FUT9: variants seen among roughly 807,000 people sequenced by gnomAD.
The protein encoded by FUT9 is fucosyltransferase 9.
FUT9 carries 15 observed loss-of-function variants against 29.7 expected under a neutral mutation model. The observed-to-expected ratio is 0.51, with a 90% CI of 0.34 to 0.78. FUT9 has a LOEUF of 0.78. FUT9 is among the 30% of genes least tolerant of loss of function. The probability of loss-of-function intolerance (pLI) is 0.01; values close to 1 mark genes in which losing one functional copy is unlikely to be tolerated. For synonymous variants in FUT9, 169 were observed against 153.7 expected (o/e 1.10, Z -0.74); for missense variants, 319 against 425.4 (o/e 0.75, Z 2.20).
intron 1 of FUT9, among the ~76,000 whole-genome samples, chr6:96,048,886 G>A (rs1770614014): frequency 6.6e-6 from 1 of 152,140 alleles, no homozygotes. Flanking sequence ...GCTATAGTCA[G>A]CTTGTCTGCA....
intron 1 of FUT9, among the ~76,000 whole-genome samples, chr6:96,089,033 A>C (rs1026547077): frequency 6.6e-6 from 1 of 151,964 alleles, no homozygotes; most frequent in African/African-American, 2.4e-5. Context: ...TGATCCCATT[A>C]CTCTTCTACA....
intron 2 of FUT9, among the ~76,000 whole-genome samples, chr6:96,127,690 ATC>A (rs1295329902): frequency 6.6e-6 from 1 of 152,104 alleles, no homozygotes; most frequent in Non-Finnish European, 1.5e-5. Flanking sequence ...CCTTGCCAGC[ATC>A]TGTTATTTTT....
At chr6:96,122,139 C>T (rs1772041323) in intron 2 of FUT9, among the ~76,000 whole-genome samples, 1 of 152,040 alleles carries the variant, frequency 6.6e-6, no homozygotes, top group Admixed American at 6.6e-5. Context: ...TTGCATGAGC[C>T]TTATATGAAA....
At chr6:96,023,064 G>C (rs1028951232) in intron 1 of FUT9, among the ~76,000 whole-genome samples, 7 of 151,918 alleles carry the variant, frequency 4.6e-5, no homozygotes, top group African/African-American at 1.7e-4. Context: ...ACAGTGTGTT[G>C]GTTTCTGCTT....
intron 2 of FUT9, among the ~76,000 whole-genome samples, chr6:96,169,814 A>T (rs1020215994): frequency 6.6e-6 from 1 of 152,094 alleles, no homozygotes; most frequent in Non-Finnish European, 1.5e-5. Context: ...TAAAGAAATA[A>T]TTTTTCTCCT....
intron 2 of FUT9, among the ~76,000 whole-genome samples, chr6:96,197,638 A>G (rs1206614351): frequency 6.6e-6 from 1 of 151,732 alleles, no homozygotes; most frequent in Non-Finnish European, 1.5e-5. Context: ...ACACATACAC[A>G]AAAAAATAGT....
chr6:96,200,493 T>C (rs779519021), intron 2 of FUT9, among the ~76,000 whole-genome samples: 3 of 152,136 alleles, frequency 2.0e-5, no homozygotes, highest in Non-Finnish European at 4.4e-5. Context: ...TTAGGGGTTC[T>C]AGAAGGATTA....
At chr6:96,130,422 T>C (rs1446082013) in intron 2 of FUT9, among the ~76,000 whole-genome samples, 1 of 152,184 alleles carries the variant, frequency 6.6e-6, no homozygotes, top group African/African-American at 2.4e-5. Flanking sequence ...TCATCTTGAA[T>C]GTCTCAGTGA....
chr6:96,036,942 T>C (rs1490684616), intron 1 of FUT9: 1 of 152,008 alleles, frequency 6.6e-6, no homozygotes, highest in Non-Finnish European at 1.5e-5. Context: ...GGGAGATTTC[T>C]AACAAACTCT....
At chr6:96,078,581 C>T (rs1415776081) in intron 1 of FUT9, among the ~76,000 whole-genome samples, 1 of 151,516 alleles carries the variant, frequency 6.6e-6, no homozygotes, top group African/African-American at 2.4e-5. Context: ...CCACTACGCC[C>T]GGCTAATTTT....
chr6:96,119,196 T>G (rs1173367774), intron 2 of FUT9, among the ~76,000 whole-genome samples: 1 of 152,192 alleles, frequency 6.6e-6, no homozygotes, highest in Non-Finnish European at 1.5e-5. Flanking sequence ...ACTCACCCAG[T>G]GCAACTTCCA....
intron 1 of FUT9, among the ~76,000 whole-genome samples, chr6:96,058,484 A>AAAAAAAAAAAAG (rs1770815517): frequency 1.3e-5 from 2 of 151,532 alleles, no homozygotes; most frequent in African/African-American, 2.4e-5. Context: ...AAAAAAAAAA[A>AAAAAAAAAAAAG]AAGCCAGAAA....
At chr6:96,195,136 G>A (rs1773599313) in intron 2 of FUT9, among the ~76,000 whole-genome samples, 1 of 152,172 alleles carries the variant, frequency 6.6e-6, no homozygotes, top group African/African-American at 2.4e-5. Flanking sequence ...AGGAAAAGCG[G>A]TAGTTGGCAG....
intron 2 of FUT9, among the ~76,000 whole-genome samples, chr6:96,125,028 T>C (rs992967094): frequency 1.3e-5 from 2 of 152,196 alleles, no homozygotes; most frequent in Admixed American, 6.5e-5. Context: ...AAGAGACTCC[T>C]ATTTTTACCA....
chr6:96,068,210 C>A (rs1770995643), intron 1 of FUT9, among the ~76,000 whole-genome samples: 1 of 151,710 alleles, frequency 6.6e-6, no homozygotes. Context: ...ATGTACAGGT[C>A]ATATTTGAGG....
At chr6:96,075,174 A>T (rs1771123620) in intron 1 of FUT9, among the ~76,000 whole-genome samples, 1 of 152,086 alleles carries the variant, frequency 6.6e-6, no homozygotes, top group African/African-American at 2.4e-5. Flanking sequence ...CTGCTTTGTC[A>T]GTTACTAGCA....
At chr6:96,081,208 T>A (rs866071436) in intron 1 of FUT9, among the ~76,000 whole-genome samples, 1 of 151,872 alleles carries the variant, frequency 6.6e-6, no homozygotes, top group Non-Finnish European at 1.5e-5. Context: ...TAAAACAATA[T>A]CAATAATTTT....
At chr6:96,157,304 G>A (rs1772803744) in intron 2 of FUT9, among the ~76,000 whole-genome samples, 1 of 152,172 alleles carries the variant, frequency 6.6e-6, no homozygotes, top group Non-Finnish European at 1.5e-5. Context: ...ACATCACAAA[G>A]GAGGACCTTG....
At chr6:96,029,335 A>T (rs982234385) in intron 1 of FUT9, among the ~76,000 whole-genome samples, 10 of 151,546 alleles carry the variant, frequency 6.6e-5, no homozygotes, top group African/African-American at 2.4e-5. Flanking sequence ...GTGGACTTCC[A>T]CTAGGTACGT....
Sources: allele counts gnomAD v4.1 joint callset (sites outside exome capture counted in the v4.1 genomes callset), GRCh38; gene constraint gnomAD v4.1.1; transcripts MANE v1.5; gene names NCBI Gene and HGNC (gene_info 2026-07-23, HGNC 2026-07-21).